Variants in TOP6BL observed in about 807,000 individuals in gnomAD.
TOP6BL encodes the protein type 2 DNA topoisomerase 6 subunit B-like.
the TOP6BL span, among the ~76,000 whole-genome samples, chr11:66,796,783 T>TG: frequency 2.1e-5 from 3 of 143,626 alleles, no homozygotes; most frequent in South Asian, 2.2e-4. Context: ...ACCCTGTCTT[T>TG]GGAAAAAAAA....
At chr11:66,791,765 C>A in the TOP6BL span, among the ~76,000 whole-genome samples, 1 of 151,902 alleles carries the variant, frequency 6.6e-6, no homozygotes, top group Non-Finnish European at 1.5e-5. Flanking sequence ...GTCTCTAACA[C>A]CCAACACCCA....
chr11:66,770,098 T>C, the TOP6BL span, among the ~76,000 whole-genome samples: 1 of 151,962 alleles, frequency 6.6e-6, no homozygotes, highest in Admixed American at 6.5e-5. Context: ...ATTCTCTTTT[T>C]CCCTCTCCCT....
At chr11:66,835,028 G>C in the TOP6BL span, among the ~76,000 whole-genome samples, 1 of 149,776 alleles carries the variant, frequency 6.7e-6, no homozygotes, top group African/African-American at 2.5e-5. Context: ...TTTCCGGCGG[G>C]TCGGGGGAGG....
chr11:66,838,325 A>C, the TOP6BL span: 1 of 1,572,286 alleles, frequency 6.4e-7, no homozygotes, highest in Admixed American at 1.7e-5. Context: ...GGGCTCGTTC[A>C]TGTTTCTACA....
the TOP6BL span, chr11:66,801,149 C>A: frequency 6.4e-7 from 1 of 1,563,988 alleles, no homozygotes; most frequent in Non-Finnish European, 8.8e-7. Context: ...TTACTCTCCT[C>A]TCGAGTACGA....
the TOP6BL span, among the ~76,000 whole-genome samples, chr11:66,813,577 A>G: frequency 6.6e-6 from 1 of 152,204 alleles, no homozygotes; most frequent in Non-Finnish European, 1.5e-5. Flanking sequence ...TACTAAAAAT[A>G]CAAAAATTAG....
the TOP6BL span, among the ~76,000 whole-genome samples, chr11:66,786,283 G>A: frequency 6.7e-6 from 1 of 150,224 alleles, no homozygotes; most frequent in Non-Finnish European, 1.5e-5. Flanking sequence ...GGGTGACAGA[G>A]CAAAACTCTG....
chr11:66,823,879 T>A, the TOP6BL span, among the ~76,000 whole-genome samples: 1 of 152,156 alleles, frequency 6.6e-6, no homozygotes, highest in South Asian at 2.1e-4. Context: ...ATCTAATTCC[T>A]TGTTGAAAAA....
the TOP6BL span, chr11:66,838,271 C>T: frequency 1.5e-4 from 153 of 1,022,728 alleles, no homozygotes; most frequent in East Asian, 1.7e-3. Flanking sequence ...GGCAGATAAC[C>T]TTGTGAGGTC....
At chr11:66,836,664 G>C in the TOP6BL span, among the ~76,000 whole-genome samples, 17 of 148,798 alleles carry the variant, frequency 1.1e-4, no homozygotes, top group African/African-American at 3.2e-4. Flanking sequence ...ACCAGCCTGG[G>C]CAACATAGTG....
the TOP6BL span, among the ~76,000 whole-genome samples, chr11:66,834,196 A>T: frequency 6.6e-6 from 1 of 152,216 alleles, no homozygotes; most frequent in Admixed American, 6.5e-5. Flanking sequence ...AGATGAGGAA[A>T]CTGATTACAG....
chr11:66,833,097 G>A, the TOP6BL span, among the ~76,000 whole-genome samples: 1 of 145,382 alleles, frequency 6.9e-6, no homozygotes, highest in South Asian at 2.2e-4. Context: ...GCCCAGACTG[G>A]AGTGCAGTGG....
the TOP6BL span, among the ~76,000 whole-genome samples, chr11:66,770,377 G>A: frequency 7.2e-4 from 110 of 152,230 alleles, no homozygotes; most frequent in Non-Finnish European, 1.3e-3. Context: ...TAGATGCTCA[G>A]CATCATTAGT....
chr11:66,773,849 G>GCCTCAGCCTCCCAGCTA, the TOP6BL span, among the ~76,000 whole-genome samples: 23 of 152,088 alleles, frequency 1.5e-4, no homozygotes, highest in African/African-American at 5.5e-4. Flanking sequence ...CGATTCTCCT[G>GCCTCAGCCTCCCAGCTA]CCTCAGCCTC....
At chr11:66,760,810 A>G in the TOP6BL span, among the ~76,000 whole-genome samples, 3 of 152,010 alleles carry the variant, frequency 2.0e-5, no homozygotes, top group African/African-American at 7.2e-5. Flanking sequence ...TCACAAACAA[A>G]CAAACAAAAA....
the TOP6BL span, among the ~76,000 whole-genome samples, chr11:66,768,388 A>G: frequency 3.3e-5 from 5 of 152,234 alleles, no homozygotes; most frequent in East Asian, 9.6e-4. Flanking sequence ...TTTTGTAGAC[A>G]TGATCTCATT....
At chr11:66,779,798 G>A in the TOP6BL span, among the ~76,000 whole-genome samples, 1 of 152,068 alleles carries the variant, frequency 6.6e-6, no homozygotes, top group African/African-American at 2.4e-5. Context: ...TTAAGAAAAT[G>A]TGGCACATAT....
the TOP6BL span, among the ~76,000 whole-genome samples, chr11:66,766,674 C>T: frequency 2.6e-5 from 4 of 152,300 alleles, no homozygotes; most frequent in East Asian, 7.7e-4. Flanking sequence ...CATCATTATT[C>T]TACATTCAAT....
the TOP6BL span, among the ~76,000 whole-genome samples, chr11:66,806,014 G>A: frequency 6.6e-6 from 1 of 152,196 alleles, no homozygotes; most frequent in Non-Finnish European, 1.5e-5. Flanking sequence ...CATTAAACAT[G>A]TTGAGTTTAT....
Sources: gnomAD v4.1 joint callset for allele counts (sites outside exome capture counted in the v4.1 genomes callset) on GRCh38, gnomAD v4.1.1 for gene constraint, MANE v1.5 for transcripts, NCBI Gene and HGNC (gene_info 2026-07-23, HGNC 2026-07-21) for gene names.